Variants in RNF180 observed in about 807,000 individuals in gnomAD.
The protein encoded by RNF180 is E3 ubiquitin-protein ligase RNF180.
Under a neutral mutation model 59.2 loss-of-function variants are expected in RNF180, and 38 were observed. That is an observed-to-expected ratio of 0.64 (90% CI 0.50 to 0.84). The LOEUF (loss-of-function observed/expected upper bound fraction) is 0.84, where lower values mean the gene tolerates loss of function less well. Among genes scored for constraint, RNF180 ranks in the 40% least tolerant of loss-of-function variants. The pLI, the probability that RNF180 is intolerant of heterozygous loss-of-function variation, is 0.00. For synonymous variants in RNF180, 262 were observed against 240.3 expected, an observed-to-expected ratio of 1.09 and a Z score of -0.84; for missense variants, 705 against 700.9, an observed-to-expected ratio of 1.01 and a Z score of -0.07.
intron 5 of RNF180, among the ~76,000 whole-genome samples, chr5:64,257,036 T>G (rs1450626842): frequency 6.6e-6 from 1 of 152,190 alleles, no homozygotes; most frequent in Non-Finnish European, 1.5e-5. Flanking sequence ...TGCTTGTGAT[T>G]TTTGCACATT....
At chr5:64,199,094 G>A (rs1318467238) in intron 1 of RNF180, among the ~76,000 whole-genome samples, 7 of 152,094 alleles carry the variant, frequency 4.6e-5, no homozygotes, top group South Asian at 2.1e-4. Flanking sequence ...CTGGGATTAC[G>A]GGCGTGAGCC....
chr5:64,282,442 A>G (rs563924508), intron 5 of RNF180, among the ~76,000 whole-genome samples: 1 of 152,138 alleles, frequency 6.6e-6, no homozygotes, highest in South Asian at 2.1e-4. Context: ...CTTTTATACT[A>G]ATGTAGCTAG....
In RNF180 at chr5:64,214,387, C is replaced by T; in HGVS notation, c.1061C>T (p.Pro354Leu). 6.2e-7 allele frequency: 1 copy of T among 1,614,092 alleles called. No homozygotes were observed. Among genetic ancestry groups the T allele is most frequent in the African/African-American group, 1.3e-5 (1 of 75,046 alleles). Residue 354 changes from proline to leucine, a missense_variant, in exon 4 of 8, where the codon CCT (proline) becomes CTT (leucine). Pro to Leu is a moderately conservative substitution (Grantham distance 98). Coordinates refer to ENST00000389100, the MANE Select transcript of RNF180 (RefSeq NM_001113561.2). ...EASDQEEHLS[P>L]LDFLHSANFS... ...TCAGACCAGGAAGAGCACCTCTCCC[C>T]TCTGGACTTCCTGCACTCAGCCAAT...
chr5:64,307,837 C>T (rs1050688309), intron 5 of RNF180, among the ~76,000 whole-genome samples: 3 of 151,722 alleles, frequency 2.0e-5, no homozygotes, highest in African/African-American at 7.3e-5. Context: ...TTCTGCAGAA[C>T]ATGTATCACT....
At chr5:64,368,220 C>T (rs941421509) in intron 7 of RNF180, among the ~76,000 whole-genome samples, 49 of 151,542 alleles carry the variant, frequency 3.2e-4, no homozygotes, top group African/African-American at 1.0e-3. Context: ...CTAGTTTATT[C>T]GATGCTAAAA....
At chr5:64,220,253 C>A (rs1205542583) in intron 5 of RNF180, among the ~76,000 whole-genome samples, 1 of 151,674 alleles carries the variant, frequency 6.6e-6, no homozygotes, top group Non-Finnish European at 1.5e-5. Flanking sequence ...TATATATTTA[C>A]ATATATTTCT....
intron 5 of RNF180, among the ~76,000 whole-genome samples, chr5:64,253,269 T>G (rs1743702399): frequency 1.3e-5 from 2 of 152,180 alleles, no homozygotes; most frequent in South Asian, 2.1e-4. Flanking sequence ...TTCCAAAAAC[T>G]AAGGCATGTC....
At chr5:64,329,203 T>G (rs943023180) in intron 6 of RNF180, among the ~76,000 whole-genome samples, 4 of 152,164 alleles carry the variant, frequency 2.6e-5, no homozygotes, top group African/African-American at 9.6e-5. Context: ...TCTACAAGTG[T>G]TTTTCCTTTT....
At chr5:64,216,990 TC>T (rs1185537802) in intron 4 of RNF180, among the ~76,000 whole-genome samples, 2 of 152,208 alleles carry the variant, frequency 1.3e-5, no homozygotes, top group Admixed American at 6.5e-5. Context: ...ACCTTTATAA[TC>T]ACATGCTCAT....
intron 2 of RNF180, among the ~76,000 whole-genome samples, chr5:64,210,690 C>G (rs529493798): frequency 6.6e-6 from 1 of 152,238 alleles, no homozygotes; most frequent in South Asian, 2.1e-4. Context: ...CACTGAAGTA[C>G]ACCTCTTCCT....
At chr5:64,257,696 G>C (rs1321320301) in intron 5 of RNF180, among the ~76,000 whole-genome samples, 1 of 152,086 alleles carries the variant, frequency 6.6e-6, no homozygotes, top group Admixed American at 6.6e-5. Context: ...CCAGGCTTTG[G>C]TATCAGGATG....
intron 1 of RNF180, among the ~76,000 whole-genome samples, chr5:64,180,900 G>C (rs1750535337): frequency 6.6e-6 from 1 of 152,092 alleles, no homozygotes; most frequent in African/African-American, 2.4e-5. Flanking sequence ...GTTGTATTAG[G>C]GTTCTCTAGA....
At chr5:64,342,224 A>G (rs1198144792) in intron 7 of RNF180, among the ~76,000 whole-genome samples, 1 of 152,142 alleles carries the variant, frequency 6.6e-6, no homozygotes, top group Non-Finnish European at 1.5e-5. Flanking sequence ...ACATTTACAA[A>G]CAAATTTGAG....
chr5:64,173,524 C>T (rs765626937), intron 1 of RNF180, among the ~76,000 whole-genome samples: 23 of 151,996 alleles, frequency 1.5e-4, no homozygotes, highest in Admixed American at 3.3e-4. Flanking sequence ...AATATAGTGT[C>T]GTTAACTATA....
In RNF180 at chr5:64,228,331, T is replaced by C. The variant is rs143897211; in HGVS notation, c.1227+10935T>C. 2.0e-5 allele frequency among the ~76,000 whole-genome samples: 3 copies of C among 152,074 alleles called. No homozygotes were observed. The East Asian group carries it at 5.8e-4, about 30-fold the overall frequency. On this transcript the variant is annotated intron_variant, in intron 5 of 7. Transcript: ENST00000389100. ...GAGTTCAAGGCCAGCTGGAGCAACA[T>C]AGTGAGACCCCCATCTCTACAAAAA...
chr5:64,254,850 TTA>T (rs1743832970), intron 5 of RNF180, among the ~76,000 whole-genome samples: 1 of 152,176 alleles, frequency 6.6e-6, no homozygotes, highest in Admixed American at 6.6e-5. Context: ...ATTCACAGGT[TTA>T]TGAGGGTGCT....
intron 5 of RNF180, among the ~76,000 whole-genome samples, chr5:64,242,806 C>T (rs552319501): frequency 1.5e-4 from 23 of 152,236 alleles, no homozygotes; most frequent in African/African-American, 4.3e-4. Context: ...TGAAGATGGC[C>T]GAATAGGAAC....
intron 5 of RNF180, among the ~76,000 whole-genome samples, chr5:64,257,704 A>G (rs1174691123): frequency 2.0e-5 from 3 of 152,112 alleles, no homozygotes; most frequent in Non-Finnish European, 4.4e-5. Flanking sequence ...TGGTATCAGG[A>G]TGATGCTGGC....
chr5:64,215,159 G>A (rs945128261), intron 4 of RNF180, among the ~76,000 whole-genome samples: 1 of 152,166 alleles, frequency 6.6e-6, no homozygotes, highest in Non-Finnish European at 1.5e-5. Flanking sequence ...GAACTGAACA[G>A]TAAATGTTAG....
Sources: gnomAD v4.1 joint callset for allele counts (sites outside exome capture counted in the v4.1 genomes callset) on GRCh38, gnomAD v4.1.1 for gene constraint, MANE v1.5 for transcripts, NCBI Gene and HGNC (gene_info 2026-07-23, HGNC 2026-07-21) for gene names.